Variants in AXL observed in about 807,000 individuals in gnomAD.
The protein encoded by AXL is tyrosine-protein kinase receptor UFO.
Under a neutral mutation model 104.5 loss-of-function variants are expected in AXL, and 52 were observed. The ratio of observed to expected loss-of-function variants is 0.50; its 90% CI spans 0.40 to 0.63. The LOEUF is 0.63. Ranked by LOEUF, AXL falls within the 20% of genes least tolerant of loss-of-function variation. The pLI, the probability that AXL is intolerant of heterozygous loss-of-function variation, is 0.00. For synonymous variants in AXL, 455 were observed against 473.7 expected (o/e 0.96, Z 0.51); for missense variants, 1,024 against 1,188.5 (o/e 0.86, Z 2.04).
chr19:41,250,744 G>GT (rs990619777), intron 14 of AXL, among the ~76,000 whole-genome samples: 41 of 152,080 alleles, frequency 2.7e-4, no homozygotes, highest in African/African-American at 9.6e-4. Context: ...CCCAGCCTAC[G>GT]TTTTTTGTTT....
intron 10 of AXL, among the ~76,000 whole-genome samples, chr19:41,242,585 C>T (rs1213369380): frequency 6.6e-6 from 1 of 152,120 alleles, no homozygotes; most frequent in Non-Finnish European, 1.5e-5. Flanking sequence ...CCGCCTTGGC[C>T]TCCCAAAGTG....
intron 12 of AXL, among the ~76,000 whole-genome samples, 193 bp from the exon 13 acceptor site, chr19:41,248,321 T>C (rs554463047): frequency 5.3e-4 from 80 of 152,310 alleles, no homozygotes; most frequent in African/African-American, 1.9e-3. Context: ...TGAGTTCCCT[T>C]TGAGGGAAGG....
At chr19:41,227,790 G>T (rs1212983071) in intron 4 of AXL, among the ~76,000 whole-genome samples, 1 of 151,908 alleles carries the variant, frequency 6.6e-6, no homozygotes, top group African/African-American at 2.4e-5. Flanking sequence ...CACCCGGCCA[G>T]GCGATTATTT....
chr19:41,220,799 G>A lies in AXL; in HGVS notation c.249G>A (p.Gln83=), dbSNP rs2033777473. The A allele has an allele frequency of 2.5e-6, 4 of 1,614,144 alleles. No individual in the cohort carries two copies. The African/African-American group carries it at 5.3e-5, about 22-fold the overall frequency. The change falls in exon 2 of 20, where the codon CAG becomes CAA. Residue 83 remains glutamine, a synonymous_variant. Coordinates refer to ENST00000301178, the MANE Select transcript of AXL (RefSeq NM_021913.5). ...GQILELADST[Q]TQVPLGEDEQ... is the part of the protein sequence containing the mutation. ...TCCTGGAGCTCGCGGACAGCACCCA[G>A]ACCCAGGTGCCCCTGGGTGAGGATG...
In AXL at chr19:41,252,455, G is replaced by A. The variant is rs925326373; in HGVS notation, c.1804+12G>A. 1.2e-6 allele frequency: 2 copies of A among 1,613,206 alleles called. No individual in the cohort carries two copies. Among genetic ancestry groups the A allele is most frequent in the Admixed American group, 1.7e-5 (1 of 60,012 alleles). On this transcript the variant is annotated intron_variant, in intron 15 of 19. Coordinates refer to ENST00000301178, the MANE Select transcript of AXL (RefSeq NM_021913.5). ...CATGAGGCTCATCGGTGAGAGAGGG[G>A]CAGATTCAAGGGGTCTACAAGCCCC...
chr19:41,231,074 G>A (rs1399611605), intron 5 of AXL, 27 bp downstream of exon 5: 3 of 1,613,510 alleles, frequency 1.9e-6, no homozygotes, highest in Non-Finnish European at 1.7e-6. Context: ...GTGGGGAGCT[G>A]GGCGTCAGAG....
chr19:41,259,492 T>C (rs2034501540), intron 19 of AXL, 61 bp from the exon 20 acceptor site: 1 of 1,436,032 alleles, frequency 7.0e-7, no homozygotes, highest in Non-Finnish European at 9.5e-7. Context: ...TCCCCAGGCT[T>C]CCAGAATGCA....
At chr19:41,239,795 C>T in intron 10 of AXL, 75 bp downstream of exon 10, 1 of 1,549,852 alleles carries the variant, frequency 6.5e-7, no homozygotes, top group Non-Finnish European at 8.9e-7. Flanking sequence ...CATGCATACT[C>T]ATTGCACATC....
At chr19:41,228,655 T>C (rs4803448) in intron 4 of AXL, among the ~76,000 whole-genome samples, 78,437 of 152,062 alleles carry the variant, frequency 0.52, 21,168 homozygotes, top group African/African-American at 0.67. Context: ...CATAAGTACA[T>C]AGCTGAACAC....
At chr19:41,243,155 A>C in intron 11 of AXL, 140 bp downstream of exon 11, 557 of 1,266,606 alleles carry the variant, frequency 4.4e-4, no homozygotes, top group Non-Finnish European at 5.6e-4. Context: ...GTGGTGGCTC[A>C]CGCCTGTAAT....
In AXL at chr19:41,242,498, A is replaced by G. The variant is rs146143862; in HGVS notation, c.1313-385A>G. 7.9e-3 allele frequency among the ~76,000 whole-genome samples: 1,195 copies of G among 151,114 alleles called. 16 individuals are homozygous for G. The highest frequency in any genetic ancestry group is 0.015 in the South Asian group (73 of 4,764). On this transcript the variant is annotated intron_variant, in intron 10 of 19. Coordinates refer to ENST00000301178, the MANE Select transcript of AXL (RefSeq NM_021913.5). The stretch of plus-strand genomic sequence containing the variant: ...CCACCACCCCAGCTAATTTTTGTAT[A>G]TATTTTGTTTAAGTAGAGACAGGGT...
rs992379828 is a variant in AXL at position 41,221,180 on chromosome 19, T to C, written c.343T>C (p.Tyr115His). Residue 115 changes from tyrosine to histidine, a missense_variant, in exon 3 of 20, where the codon TAC becomes CAC. By Grantham distance (83) the Tyr-to-His change is moderately conservative. Coordinates refer to ENST00000301178, the MANE Select transcript of AXL (RefSeq NM_021913.5). The part of the protein sequence containing the change: ...TSLQLSDTGQ[Y>H]QCLVFLGHQT... ...CCTGCAGCTTTCCGACACGGGACAG[T>C]ACCAGTGTTTGGTGTTTCTGGGACA... is the stretch of plus-strand genomic sequence containing the variant. 1 of 1,613,988 alleles carries C rather than the reference T, an allele frequency of 6.2e-7. No homozygotes were observed. The highest frequency in any genetic ancestry group is 1.7e-5 in the Admixed American group (1 of 59,970).
chr19:41,226,029 C>G (rs945457854), intron 4 of AXL, among the ~76,000 whole-genome samples: 7 of 152,212 alleles, frequency 4.6e-5, no homozygotes, highest in African/African-American at 1.4e-4. Context: ...CTGCTCCTGT[C>G]GTCTTGCGGT....
intron 6 of AXL, among the ~76,000 whole-genome samples, chr19:41,237,522 C>T (rs1196520065): frequency 2.6e-5 from 4 of 152,270 alleles, no homozygotes; most frequent in South Asian, 2.1e-4. Context: ...GGATTACAGG[C>T]GGGAGCCACC....
chr19:41,222,130 C>A, intron 4 of AXL, 74 bp downstream of exon 4: 1 of 1,396,592 alleles, frequency 7.2e-7, no homozygotes. Context: ...GGGAACATTG[C>A]TACCTCTGCG....
In AXL at chr19:41,260,668, A is replaced by G. The variant is rs1323515942; in HGVS notation, c.*764A>G. ...ATGTGGTTTTAGATTTTCTGGTTCTAACATTTTTGATAAAGCCTCAAGGTT... is the reference window on the plus strand; with the variant it reads ...ATGTGGTTTTAGATTTTCTGGTTCTGACATTTTTGATAAAGCCTCAAGGTT... On this transcript the variant is annotated 3_prime_UTR_variant, in exon 20 of 20. Transcript: ENST00000301178. 6.6e-6 allele frequency: 1 copy of G among 152,176 alleles called. No homozygotes were observed. The highest frequency in any genetic ancestry group is 1.9e-4 in the East Asian group (1 of 5,196). 9.4% of individuals were successfully genotyped at this position (152,176 alleles called of 1,614,324 possible).
intron 1 of AXL, 21 bp from the exon 2 acceptor site, chr19:41,220,615 C>T (rs1311174513): frequency 6.5e-7 from 1 of 1,548,502 alleles, no homozygotes; most frequent in African/African-American, 1.4e-5. Flanking sequence ...CCTAAGCTAA[C>T]TCTTCCCATC....
intron 3 of AXL, chr19:41,221,669 A>C: frequency 1.8e-6 from 1 of 569,760 alleles, no homozygotes; most frequent in South Asian, 2.2e-5. Flanking sequence ...TGAGGAGCTC[A>C]GCTATCGTGG....
intron 17 of AXL, among the ~76,000 whole-genome samples, chr19:41,254,605 G>C (rs1285077088): frequency 6.6e-6 from 1 of 151,810 alleles, no homozygotes; most frequent in African/African-American, 2.4e-5. Context: ...AAGGTGGAGG[G>C]AATGGAACCA....
Sources: gnomAD v4.1 joint callset for allele counts (sites outside exome capture counted in the v4.1 genomes callset) on GRCh38, gnomAD v4.1.1 for gene constraint, MANE v1.5 for transcripts, NCBI Gene and HGNC (gene_info 2026-07-23, HGNC 2026-07-21) for gene names.